AGTPBP1: variants seen among roughly 807,000 people sequenced by gnomAD.
AGTPBP1 encodes the protein ATP/GTP binding carboxypeptidase 1.
AGTPBP1 carries 70 observed loss-of-function variants against 143.9 expected under a neutral mutation model. The observed-to-expected ratio is 0.49, with a 90% CI of 0.40 to 0.59. The LOEUF (loss-of-function observed/expected upper bound fraction) is 0.59. AGTPBP1 is among the 20% of genes least tolerant of loss of function. The pLI, the probability that AGTPBP1 is intolerant of heterozygous loss-of-function variation, is 0.00. For missense variants in AGTPBP1, 1,229 were observed against 1,464.5 expected, an observed-to-expected ratio of 0.84 and a Z score of 2.62; for synonymous variants, 463 against 500.2, an observed-to-expected ratio of 0.93 and a Z score of 0.99.
At chr9:85,751,165 A>C in the AGTPBP1 span, among the ~76,000 whole-genome samples, 1 of 152,206 alleles carries the variant, frequency 6.6e-6, no homozygotes, top group African/African-American at 2.4e-5. Flanking sequence ...AAACTCAGAC[A>C]GAGGACAATT....
intron 2 of AGTPBP1, among the ~76,000 whole-genome samples, chr9:85,702,968 C>G (rs140099305): frequency 6.6e-6 from 1 of 152,290 alleles, no homozygotes; most frequent in East Asian, 1.9e-4. Context: ...AGTTGTCAAA[C>G]TGTTGCAAAA....
intron 9 of AGTPBP1, among the ~76,000 whole-genome samples, chr9:85,658,063 T>C (rs1194197384): frequency 2.0e-5 from 3 of 152,168 alleles, no homozygotes; most frequent in Non-Finnish European, 4.4e-5. Flanking sequence ...TTTTATAATT[T>C]CTATTACAAA....
At chr9:85,707,465 T>C (rs1025433207) in intron 2 of AGTPBP1, among the ~76,000 whole-genome samples, 1 of 151,686 alleles carries the variant, frequency 6.6e-6, no homozygotes, top group African/African-American at 2.4e-5. Context: ...AGGATATCAG[T>C]AGAACTGATA....
At chr9:85,686,778 T>A (rs531837011) in intron 3 of AGTPBP1, among the ~76,000 whole-genome samples, 27 of 152,200 alleles carry the variant, frequency 1.8e-4, no homozygotes, top group Middle Eastern at 3.4e-3. Flanking sequence ...TTAATCCCTA[T>A]AGGAACCACT....
At chr9:85,800,807 TTGTGTG>T in the AGTPBP1 span, among the ~76,000 whole-genome samples, 3,382 of 144,674 alleles carry the variant, frequency 0.023, 112 homozygotes, top group African/African-American at 0.077. Flanking sequence ...TTTAGAATGG[TTGTGTG>T]TGTGTGTGTG....
intron 7 of AGTPBP1, among the ~76,000 whole-genome samples, chr9:85,671,873 AC>A (rs927672215): frequency 5.9e-5 from 9 of 152,152 alleles, no homozygotes; most frequent in Non-Finnish European, 1.5e-5. Flanking sequence ...GCTCCAGGTG[AC>A]TATGCTACTG....
the AGTPBP1 span, among the ~76,000 whole-genome samples, chr9:85,753,150 C>A: frequency 1.3e-5 from 2 of 151,936 alleles, no homozygotes; most frequent in East Asian, 3.9e-4. Flanking sequence ...GGCTTGAGCC[C>A]AGGAGTTTGA....
At chr9:85,701,967 T>C (rs1473344783) in intron 2 of AGTPBP1, among the ~76,000 whole-genome samples, 1 of 152,242 alleles carries the variant, frequency 6.6e-6, no homozygotes, top group Non-Finnish European at 1.5e-5. Context: ...ACAGTCTTTG[T>C]TGTCAGAAGC....
rs372812635 is a variant in AGTPBP1, at chr9:85,619,048, C to G, written c.2270G>C (p.Arg757Pro). The G allele has an allele frequency of 6.2e-7, 1 of 1,613,638 alleles. No homozygotes were observed. The highest frequency in any genetic ancestry group is 1.3e-5 in the African/African-American group (1 of 74,896). ...QWFYFEVSGM[R>P]PGVAYRFNII... The stretch of plus-strand genomic sequence containing the variant: ...GTTAAACCTGTAAGCAACACCTGGT[C>G]GCATTCCACTGACTTCAAAGTAAAA... The change falls in exon 17 of 26, where the codon CGA becomes CCA. Residue 757 changes from arginine to proline, a missense_variant. Around this residue, in one of 2 missense-constraint regions of AGTPBP1, gnomAD observed 486 missense variants for 652.3 expected, o/e 0.75. Coordinates refer to ENST00000357081, the MANE Select transcript of AGTPBP1 (RefSeq NM_001330701.2).
At chr9:85,552,756 A>G (rs550921132) in intron 25 of AGTPBP1, among the ~76,000 whole-genome samples, 1 of 152,342 alleles carries the variant, frequency 6.6e-6, no homozygotes, top group South Asian at 2.1e-4. Flanking sequence ...AATAGGATGA[A>G]AAATACTCCA....
the AGTPBP1 span, among the ~76,000 whole-genome samples, chr9:85,750,396 A>G: frequency 6.6e-6 from 1 of 152,082 alleles, no homozygotes; most frequent in Admixed American, 6.5e-5. Context: ...ATTTTTCTTT[A>G]TTTAGTCTAT....
Position 85,711,296 on chromosome 9 carries a change from C to A in AGTPBP1, c.32+1206G>T, listed in dbSNP as rs181583328. On this transcript the variant is annotated intron_variant, in intron 2 of 25. Coordinates refer to ENST00000357081, the MANE Select transcript of AGTPBP1 (RefSeq NM_001330701.2). ...TTTGCTCATCACTGTATAGCCAAGACAATTTCAATATACAATCAGAATTGT... is the reference window on the plus strand; with the variant it reads ...TTTGCTCATCACTGTATAGCCAAGAAAATTTCAATATACAATCAGAATTGT... Among the ~76,000 whole-genome samples the A allele has an allele frequency of 1.7e-3, 265 of 152,254 alleles. 1 individual carries two copies. The Middle Eastern group carries it at 0.024, about 14-fold the overall frequency.
chr9:85,616,464 TGTTATA>T (rs1474364020), intron 17 of AGTPBP1, among the ~76,000 whole-genome samples: 5 of 152,000 alleles, frequency 3.3e-5, no homozygotes, highest in Admixed American at 3.3e-4. Context: ...TAATTTAAAA[TGTTATA>T]GTTTTTAATA....
intron 1 of AGTPBP1, among the ~76,000 whole-genome samples, chr9:85,740,207 G>C (rs1212326166): frequency 2.0e-5 from 3 of 152,134 alleles, no homozygotes; most frequent in Admixed American, 1.3e-4. Context: ...TTGCAATGTT[G>C]GCCAAATACG....
At chr9:85,704,511 G>T (rs1294308534) in intron 2 of AGTPBP1, among the ~76,000 whole-genome samples, 2 of 152,120 alleles carry the variant, frequency 1.3e-5, no homozygotes, top group Non-Finnish European at 2.9e-5. Flanking sequence ...GTACACACAG[G>T]GGTCTAACCT....
chr9:85,557,567 T>C (rs377041366), intron 25 of AGTPBP1, among the ~76,000 whole-genome samples: 2 of 152,354 alleles, frequency 1.3e-5, no homozygotes, highest in East Asian at 3.9e-4. Context: ...ACTCAAGTTA[T>C]GTGTACCACA....
intron 10 of AGTPBP1, among the ~76,000 whole-genome samples, 197 bp from the exon 11 acceptor site, chr9:85,655,517 G>A (rs1276613091): frequency 6.6e-6 from 1 of 151,994 alleles, no homozygotes; most frequent in Non-Finnish European, 1.5e-5. Flanking sequence ...ACCCCATGTG[G>A]CAAATTCAGA....
rs772540344 is a variant in AGTPBP1, at chr9:85,575,411, C to T, written c.3407G>A (p.Arg1136His). 3.0e-5 allele frequency: 49 copies of T among 1,610,550 alleles called. No homozygotes were observed. In the Middle Eastern group the frequency reaches 4.9e-4, roughly 16 times the overall value. The stretch of plus-strand genomic sequence containing the variant: ...CAATGGAGAGGTCAGTCTTTTCAAA[C>T]GTAAAAGACCAACACAAAATTTTGC... ...MGAKFCVGLL[R>H]LKRLTSPLEY... The change falls in exon 25 of 26, where the codon CGT becomes CAT. Residue 1136 changes from arginine to histidine, a missense_variant. Around this residue, in one of 2 missense-constraint regions of AGTPBP1, gnomAD observed 486 missense variants for 652.3 expected, o/e 0.75. Transcript: ENST00000357081.
At chr9:85,644,297 T>C (rs889582686) in intron 12 of AGTPBP1, among the ~76,000 whole-genome samples, 1 of 151,974 alleles carries the variant, frequency 6.6e-6, no homozygotes, top group African/African-American at 2.4e-5. Context: ...AATAATTTTC[T>C]TAACATCTAA....
Sources: allele counts gnomAD v4.1 joint callset (sites outside exome capture counted in the v4.1 genomes callset), GRCh38; gene constraint gnomAD v4.1.1; regional missense constraint gnomAD v4.1.1; transcripts MANE v1.5; gene names NCBI Gene and HGNC (gene_info 2026-07-23, HGNC 2026-07-21).